The following CTNND1 variants were observed in gnomAD, a reference collection of about 807,000 sequenced individuals.
The protein encoded by CTNND1 is catenin delta-1.
In CTNND1, 16 loss-of-function variants were observed where a neutral mutation model predicts 112.1. The observed-to-expected ratio is 0.14, with a 90% confidence interval of 0.10 to 0.22. The LOEUF (loss-of-function observed/expected upper bound fraction) is 0.22. Among genes scored for constraint, CTNND1 ranks in the 10% least tolerant of loss-of-function variants. The probability of loss-of-function intolerance (pLI) is 1.00; values close to 1 mark genes in which losing one functional copy is unlikely to be tolerated. For missense variants in CTNND1, 1,008 were observed against 1,257.0 expected (o/e 0.80, Z 3.00); for synonymous variants, 420 against 446.5 (o/e 0.94, Z 0.75).
chr11:57,795,645 C>T lies in CTNND1; in HGVS notation c.336C>T (p.Tyr112=). 1 of 1,610,168 alleles carries T rather than the reference C, an allele frequency of 6.2e-7. No homozygotes were observed. Among genetic ancestry groups the T allele is most frequent in the Non-Finnish European group, 8.5e-7 (1 of 1,178,318 alleles). ...MQEPGQIVET[Y]TEEDPEGAMS... is the part of the protein sequence containing the mutation. ...AGCCGGGGCAGATTGTGGAGACCTA[C>T]ACGGAGGAGGATCCTGAGGGAGCCA... Residue 112 remains tyrosine (Y), a synonymous_variant, in exon 5 of 21, where the codon TAC becomes TAT. Coordinates refer to ENST00000399050, the MANE Select transcript of CTNND1 (RefSeq NM_001085458.2).
chr11:57,808,025 G>C, intron 12 of CTNND1, 140 bp from the exon 13 acceptor site: 1 of 821,402 alleles, frequency 1.2e-6, no homozygotes, highest in Non-Finnish European at 1.8e-6. Context: ...GCTGTAGAGA[G>C]TGTGAGAGAG....
At chr11:57,780,178 C>T (rs1394662095) in intron 1 of CTNND1, among the ~76,000 whole-genome samples, 3 of 151,732 alleles carry the variant, frequency 2.0e-5, no homozygotes, top group Non-Finnish European at 2.9e-5. Context: ...CTCAGCCTCC[C>T]GAGTAGCTGG....
At chr11:57,805,758 A>G in intron 9 of CTNND1, 124 bp from the exon 10 acceptor site, 1 of 1,100,182 alleles carries the variant, frequency 9.1e-7, no homozygotes, top group Middle Eastern at 3.1e-4. Context: ...GCATCCTGAG[A>G]AGTTATGGAT....
chr11:57,814,076 A>G, intron 17 of CTNND1: 1 of 467,626 alleles, frequency 2.1e-6, no homozygotes, highest in Non-Finnish European at 3.9e-6. Flanking sequence ...GTACTTTGGG[A>G]GACTGAGGTG....
intron 9 of CTNND1, 131 bp downstream of exon 9, chr11:57,804,911 A>G: frequency 1.5e-6 from 1 of 653,856 alleles, no homozygotes; most frequent in Non-Finnish European, 2.6e-6. Context: ...CCTACCCCTT[A>G]TTTTTGAGAC....
chr11:57,806,796 C>T (rs1204136326), intron 11 of CTNND1, 119 bp from the exon 12 acceptor site: 2 of 842,822 alleles, frequency 2.4e-6, no homozygotes, highest in East Asian at 2.7e-5. Flanking sequence ...TGCCCCTTTT[C>T]CCCTCGTGGT....
rs1009345934 is a variant in CTNND1 at position 57,816,582 on chromosome 11, G to T, written c.*274G>T. ...TTGCATATTTTGAGAAACTGCTGCA[G>T]ATTAGTTCTTTTTGCCAGTTTTCCC... On this transcript the variant is annotated 3_prime_UTR_variant, in exon 21 of 21. Transcript: ENST00000399050. 3 of 541,696 alleles carry T rather than the reference G, an allele frequency of 5.5e-6. No individual in the cohort carries two copies. Among genetic ancestry groups the T allele is most frequent in the African/African-American group, 3.8e-5 (2 of 52,592 alleles). 33.6% of individuals were successfully genotyped at this position (541,696 alleles called of 1,614,324 possible).
rs559443966 is a variant in CTNND1 at position 57,804,512 on chromosome 11, A to T, written c.1605-151A>T. ...TTCAGAAGGCAGGGACTGTTAATCAACTTTCTCTCAACTGCAGTACCTTGC... is the reference window on the plus strand; with the variant it reads ...TTCAGAAGGCAGGGACTGTTAATCATCTTTCTCTCAACTGCAGTACCTTGC... On this transcript the variant is annotated intron_variant, in intron 8 of 20. Coordinates refer to ENST00000399050, the MANE Select transcript of CTNND1 (RefSeq NM_001085458.2). 6.2e-4 allele frequency: 379 copies of T among 606,786 alleles called. 5 individuals are homozygous for T. In the South Asian group the frequency reaches 7.2e-3, roughly 11 times the overall value. The allele number at this position is 606,786 out of a possible 1,614,324, so 37.6% of individuals were successfully genotyped here. A position where few individuals can be genotyped will look rare whatever the true frequency, so the allele number is the denominator to read the frequency against.
intron 12 of CTNND1, among the ~76,000 whole-genome samples, chr11:57,807,356 A>C (rs1364370905): frequency 6.6e-6 from 1 of 152,212 alleles, no homozygotes; most frequent in African/African-American, 2.4e-5. Context: ...CTGCAATCCC[A>C]GCACTTTGGG....
At chr11:57,809,135 A>G in intron 14 of CTNND1, 139 bp from the exon 15 acceptor site, 2 of 607,104 alleles carry the variant, frequency 3.3e-6, no homozygotes, top group Non-Finnish European at 5.7e-6. Context: ...CCCTTTTGAT[A>G]TGATAATCCT....
At chr11:57,796,104 T>C (rs1285962772) in intron 5 of CTNND1, among the ~76,000 whole-genome samples, 2 of 152,046 alleles carry the variant, frequency 1.3e-5, no homozygotes, top group African/African-American at 4.8e-5. Flanking sequence ...TAATTGTTCA[T>C]GGCTGGGCGC....
rs2064035817 is a variant in CTNND1 at position 57,817,286 on chromosome 11, C to T, written c.*978C>T. 6.5e-6 allele frequency: 1 copy of T among 152,782 alleles called. No homozygotes were observed. Among genetic ancestry groups the T allele is most frequent in the African/African-American group, 2.4e-5 (1 of 41,470 alleles). The allele number at this position is 152,782 out of a possible 1,614,324, so 9.5% of individuals were successfully genotyped here. On this transcript the variant is annotated 3_prime_UTR_variant, in exon 21 of 21. Coordinates refer to ENST00000399050, the MANE Select transcript of CTNND1 (RefSeq NM_001085458.2). ...TATAGGCCTGTCCCTTGCCTCTGCC[C>T]TGGATTGGTTGGCAAACTAAAGGAC...
intron 1 of CTNND1, among the ~76,000 whole-genome samples, chr11:57,767,329 T>C (rs975240531): frequency 2.0e-5 from 3 of 152,184 alleles, no homozygotes; most frequent in Admixed American, 6.5e-5. Flanking sequence ...TCACAAAACA[T>C]GTCCCAGGTT....
chr11:57,813,847 G>A (rs1054519670), intron 17 of CTNND1: 1 of 152,420 alleles, frequency 6.6e-6, no homozygotes, highest in Non-Finnish European at 1.5e-5. Context: ...CATGTAAGAA[G>A]TTTACCATTA....
Position 57,796,895 on chromosome 11 carries a change from C to T in CTNND1, c.859C>T (p.Arg287Cys), listed in dbSNP as rs762931892. The change falls in exon 6 of 21, where the codon CGT becomes TGT. Residue 287 changes from arginine to cysteine, a missense_variant. By Grantham distance (180) the Arg-to-Cys change is radical. This residue lies in a region of CTNND1 where 404 missense variants were observed against 457.9 expected (regional missense o/e 0.88). Coordinates refer to ENST00000399050, the MANE Select transcript of CTNND1 (RefSeq NM_001085458.2). Reference protein sequence around the residue: ...PEPYGLEDDQRSMGYDDLDYG... With the variant: ...PEPYGLEDDQCSMGYDDLDYG... ...GCCTTATGGGCTAGAGGATGACCAGCGTAGTATGGGCTATGATGACCTGGA... is the reference window on the plus strand; with the variant it reads ...GCCTTATGGGCTAGAGGATGACCAGTGTAGTATGGGCTATGATGACCTGGA... 15 of 1,604,300 alleles carry T rather than the reference C, an allele frequency of 9.3e-6. No homozygotes were observed. Among genetic ancestry groups the T allele is most frequent in the South Asian group, 3.3e-5 (3 of 90,276 alleles).
chr11:57,783,455 C>T (rs1050850395), intron 1 of CTNND1, among the ~76,000 whole-genome samples: 5 of 152,018 alleles, frequency 3.3e-5, no homozygotes, highest in African/African-American at 7.2e-5. Context: ...GTCAGGAGAT[C>T]GAGACCATCC....
chr11:57,789,764 C>T (rs1053321744), intron 2 of CTNND1, among the ~76,000 whole-genome samples: 31 of 152,280 alleles, frequency 2.0e-4, no homozygotes, highest in Admixed American at 1.6e-3. Context: ...GCATGCGTCC[C>T]GCGGGCCAAG....
Position 57,791,533 on chromosome 11 carries a change from C to G in CTNND1, c.55C>G (p.Gln19Glu), listed in dbSNP as rs567875341. 4.6e-5 allele frequency: 74 copies of G among 1,606,712 alleles called. No homozygotes were observed. Among genetic ancestry groups the G allele is most frequent in the Non-Finnish European group, 6.0e-5 (71 of 1,176,996 alleles). ...TASILASVKE[Q>E]EAQFEKLTRA... is the part of the protein sequence containing the mutation. ...CAGCATCTTGGCCTCTGTGAAGGAACAAGAGGCCCAGTTTGAGAAGCTGAC... is the reference window on the plus strand; with the variant it reads ...CAGCATCTTGGCCTCTGTGAAGGAAGAAGAGGCCCAGTTTGAGAAGCTGAC... Residue 19 changes from glutamine (Q) to glutamate (E), a missense_variant, in exon 3 of 21, where the codon CAA (glutamine) becomes GAA (glutamate). Gln to Glu is a conservative substitution (Grantham distance 29). Transcript: ENST00000399050.
Position 57,799,257 on chromosome 11 carries a change from T to A in CTNND1, c.956+2265T>A, listed in dbSNP as rs979219770. Among the ~76,000 whole-genome samples, 4 of 152,310 alleles carry A rather than the reference T, an allele frequency of 2.6e-5. No individual in the cohort carries two copies. In the South Asian group the frequency reaches 8.3e-4, roughly 32 times the overall value. ...GAGCAGTGGTAGATAACAGCCTTCA[T>A]TGAAGCAGTCTGTCCAGGGTGTTGG... On this transcript the variant is annotated intron_variant, in intron 6 of 20. Coordinates refer to ENST00000399050, the MANE Select transcript of CTNND1 (RefSeq NM_001085458.2).
Sources: gnomAD v4.1 joint callset for allele counts (sites outside exome capture counted in the v4.1 genomes callset) on GRCh38, gnomAD v4.1.1 for gene constraint, gnomAD v4.1.1 regional missense constraint, MANE v1.5 for transcripts, NCBI Gene and HGNC (gene_info 2026-07-23, HGNC 2026-07-21) for gene names.